Variants in EVC2 observed in about 807,000 individuals in gnomAD.
The protein encoded by EVC2 is EvC ciliary complex subunit 2, also known as limbin.
EVC2 carries 148 observed loss-of-function variants against 149.3 expected under a neutral mutation model. The observed-to-expected ratio is 0.99, with a 90% CI of 0.87 to 1.14. The LOEUF (loss-of-function observed/expected upper bound fraction) is 1.14. Among genes scored for constraint, EVC2 ranks in the 50% most tolerant of loss-of-function variants. The pLI is 0.00. For missense variants in EVC2, 1,854 were observed against 1,627.3 expected (o/e 1.14, Z -2.40); for synonymous variants, 776 against 649.9 (o/e 1.19, Z -2.95).
chr4:5,583,433 T>C (rs1338701522), intron 17 of EVC2, among the ~76,000 whole-genome samples: 2 of 152,218 alleles, frequency 1.3e-5, no homozygotes, highest in Non-Finnish European at 2.9e-5. Flanking sequence ...ACTGGCAAAA[T>C]ACCTTAAACT....
downstream of EVC2, chr4:5,562,381 C>G: frequency 1.1e-6 from 1 of 913,784 alleles, no homozygotes; most frequent in Non-Finnish European, 1.3e-6. This position sits in a 1 kb window ranked among gnomAD's most constrained non-coding sequence, Gnocchi z 4.3. Flanking sequence ...AAACGTAAGA[C>G]GTAATTTCAA....
In EVC2 at chr4:5,640,926, T is replaced by C. The variant is rs971449907; in HGVS notation, c.1146-88A>G. The stretch of plus-strand genomic sequence containing the variant: ...TTCAAAGCTCTGAGGTTTTCATTTA[T>C]GTGTAGGCAAGGGCTTTCTTCGTCT... On this transcript the variant is annotated intron_variant, in intron 9 of 21. Transcript: ENST00000344408. This position sits in a 1 kb window ranked among gnomAD's most constrained non-coding sequence, Gnocchi z 4.6. 50 of 1,480,134 alleles carry C rather than the reference T, an allele frequency of 3.4e-5. 1 individual carries two copies. The South Asian group carries it at 4.1e-4, about 12-fold the overall frequency. The allele number at this position is 1,480,134 out of a possible 1,614,324, so 91.7% of individuals were successfully genotyped here.
At chr4:5,646,020 C>T (rs1381517562) in intron 9 of EVC2, among the ~76,000 whole-genome samples, 1 of 152,168 alleles carries the variant, frequency 6.6e-6, no homozygotes, top group African/African-American at 2.4e-5. Flanking sequence ...ACCTCCACCT[C>T]CCGGGTTCAA....
rs1716978720 is a variant in EVC2 at position 5,637,694 on chromosome 4, T to C, written c.1470+2820A>G. Among the ~76,000 whole-genome samples the C allele has an allele frequency of 2.0e-5, 3 of 152,088 alleles. No homozygotes were observed. The South Asian group carries it at 6.2e-4, about 32-fold the overall frequency. ...ATGTATGCTGGCAACTGAGGGCAGG[T>C]GTGAAGGCTGCCTGAGCCATCCCTG... On this transcript the variant is annotated intron_variant, in intron 10 of 21. Transcript: ENST00000344408. The surrounding 1 kb of genome is among the most constrained non-coding windows in gnomAD (Gnocchi z 4.4).
At chr4:5,653,029 G>C (rs1009230599) in intron 9 of EVC2, among the ~76,000 whole-genome samples, 1 of 152,206 alleles carries the variant, frequency 6.6e-6, no homozygotes, top group Non-Finnish European at 1.5e-5. Flanking sequence ...TTCCATGCCA[G>C]CTCGGTGTTG....
intron 21 of EVC2, among the ~76,000 whole-genome samples, chr4:5,552,562 C>A (rs1399694527): frequency 6.6e-6 from 1 of 152,218 alleles, no homozygotes; most frequent in Non-Finnish European, 1.5e-5. Context: ...ACACTCCCAA[C>A]TTAAACAACT....
chr4:5,541,163 A>C (rs1721507536), downstream of EVC2, among the ~76,000 whole-genome samples: 1 of 152,202 alleles, frequency 6.6e-6, no homozygotes, highest in South Asian at 2.1e-4. Context: ...GTAGGCAAAA[A>C]AGAGAAGCAA....
chr4:5,565,422 G>C, intron 20 of EVC2, 63 bp from the exon 21 acceptor site: 1 of 1,521,750 alleles, frequency 6.6e-7, no homozygotes, highest in Non-Finnish European at 9.1e-7. Context: ...TGTAATCCCA[G>C]CACTTTGGAA....
intron 16 of EVC2, among the ~76,000 whole-genome samples, chr4:5,595,998 C>G (rs1577134916): frequency 6.6e-6 from 1 of 152,318 alleles, no homozygotes; most frequent in South Asian, 2.1e-4. Context: ...GTAAAGGGAT[C>G]AACTCGACAA....
chr4:5,555,373 T>A (rs1721819790), intron 21 of EVC2, among the ~76,000 whole-genome samples: 1 of 152,194 alleles, frequency 6.6e-6, no homozygotes, highest in Non-Finnish European at 1.5e-5. Flanking sequence ...ATGGATTTTT[T>A]AAAAGGATCC....
intron 16 of EVC2, among the ~76,000 whole-genome samples, chr4:5,594,736 T>C (rs971666232): frequency 1.3e-4 from 19 of 151,738 alleles, no homozygotes; most frequent in African/African-American, 4.1e-4. Context: ...CTTGGACGAG[T>C]TGAGAGAAGA....
chr4:5,691,123 C>T (rs1366645364), intron 4 of EVC2, 142 bp downstream of exon 4: 7 of 707,834 alleles, frequency 9.9e-6, no homozygotes, highest in Non-Finnish European at 1.8e-5. Flanking sequence ...ACAGACCTTG[C>T]TATTTGTTCA....
intron 9 of EVC2, among the ~76,000 whole-genome samples, chr4:5,650,638 TAGAGAGAGAGAG>T (rs375595646): frequency 2.0e-4 from 9 of 45,096 alleles, no homozygotes; most frequent in Admixed American, 6.1e-4. Context: ...TATATATATA[TAGAGAGAGAGAG>T]AGAGAGAGAG....
rs762306367 is a variant in EVC2 at position 5,622,886 on chromosome 4, C to G, written c.2152G>C (p.Gly718Arg). ...TCCTGCAGCTCCTCCAGGGTGGCAC[C>G]GTGCTCCTCCATCAGGCTCCTCTTC... ...HQKRSLMEEH[G>R]ATLEELQERL... is the part of the protein sequence containing the mutation. Residue 718 changes from glycine (G) to arginine (R), a missense_variant, in exon 14 of 22, where the codon GGT becomes CGT. By Grantham distance (125) the Gly-to-Arg change is moderately radical. Coordinates refer to ENST00000344408, the MANE Select transcript of EVC2 (RefSeq NM_147127.5). The surrounding 1 kb of genome is among the most constrained non-coding windows in gnomAD (Gnocchi z 5.8). 6.2e-7 allele frequency: 1 copy of G among 1,614,186 alleles called. No homozygotes were observed. The highest frequency in any genetic ancestry group is 2.2e-5 in the East Asian group (1 of 44,878).
Position 5,614,222 on chromosome 4 carries a change from C to G in EVC2, c.2829+1200G>C, listed in dbSNP as rs1357812002. On this transcript the variant is annotated intron_variant, in intron 16 of 21. Coordinates refer to ENST00000344408, the MANE Select transcript of EVC2 (RefSeq NM_147127.5). This position sits in a 1 kb window ranked among gnomAD's most constrained non-coding sequence, Gnocchi z 4.7. ...CCACCCTGCTGCCAGCCTACTTCAC[C>G]TGTAAGGTCACATTATCTAATTTCT... Among the ~76,000 whole-genome samples, 3 of 152,168 alleles carry G rather than the reference C, an allele frequency of 2.0e-5. No homozygotes were observed. The highest frequency in any genetic ancestry group is 4.4e-5 in the Non-Finnish European group (3 of 68,036).
chr4:5,553,292 C>T (rs189370091), intron 21 of EVC2, among the ~76,000 whole-genome samples: 18 of 152,234 alleles, frequency 1.2e-4, no homozygotes, highest in East Asian at 1.9e-4. Context: ...AGCACTCACT[C>T]GCTATTGTGA....
intron 10 of EVC2, among the ~76,000 whole-genome samples, chr4:5,632,972 T>C (rs1180093522): frequency 2.0e-5 from 3 of 152,186 alleles, no homozygotes; most frequent in Non-Finnish European, 4.4e-5. Context: ...TTGGTTTACA[T>C]CATATGGCAA....
chr4:5,595,071 A>AGG (rs1713251029), intron 16 of EVC2, among the ~76,000 whole-genome samples: 2 of 152,236 alleles, frequency 1.3e-5, no homozygotes, highest in Non-Finnish European at 2.9e-5. Flanking sequence ...GACTATGTGA[A>AGG]AAGACCAAAT....
chr4:5,689,423 G>A lies in EVC2; in HGVS notation c.520-80C>T, dbSNP rs1720954405. ...AAAATGGGGCATGAGCCCAGCCTGT[G>A]CACATTAGGCATCCAGGAAGAAGGA... On this transcript the variant is annotated intron_variant, in intron 4 of 21. Transcript: ENST00000344408. 5 of 1,378,268 alleles carry A rather than the reference G, an allele frequency of 3.6e-6. No individual in the cohort carries two copies. In the South Asian group the frequency reaches 4.7e-5, roughly 13 times the overall value. The allele number at this position is 1,378,268 out of a possible 1,614,324, so 85.4% of individuals were successfully genotyped here. A position where few individuals can be genotyped will look rare whatever the true frequency, so the allele number is the denominator to read the frequency against.
Sources: gnomAD v4.1 joint callset for allele counts (sites outside exome capture counted in the v4.1 genomes callset) on GRCh38, gnomAD v4.1.1 for gene constraint, Gnocchi (gnomAD v3.1) non-coding constraint, MANE v1.5 for transcripts, NCBI Gene and HGNC (gene_info 2026-07-23, HGNC 2026-07-21) for gene names.